DAB1: variants seen among roughly 807,000 people sequenced by gnomAD.
The protein encoded by DAB1 is DAB adaptor protein 1, also known as disabled homolog 1.
Under a neutral mutation model 64.6 loss-of-function variants are expected in DAB1, and 15 were observed. The observed-to-expected ratio is 0.23, with a 90% CI of 0.16 to 0.36. The LOEUF (loss-of-function observed/expected upper bound fraction) is 0.36, where lower values mean the gene tolerates loss of function less well. Ranked by LOEUF, DAB1 falls within the 10% of genes least tolerant of loss-of-function variation. The pLI is 1.00. For missense variants in DAB1, 596 were observed against 706.7 expected (o/e 0.84, Z 1.78); for synonymous variants, 235 against 251.9 (o/e 0.93, Z 0.64).
intron 2 of DAB1, among the ~76,000 whole-genome samples, chr1:57,189,115 C>G (rs1206642331): frequency 6.6e-6 from 1 of 152,098 alleles, no homozygotes; most frequent in Non-Finnish European, 1.5e-5. Context: ...ATCAAAATAA[C>G]CTCCTTCTCT....
intron 1 of DAB1, among the ~76,000 whole-genome samples, chr1:57,850,647 C>T (rs1414280892): frequency 6.6e-6 from 1 of 152,188 alleles, no homozygotes; most frequent in African/African-American, 2.4e-5. Flanking sequence ...GCCCCAAGGC[C>T]TGGCCTGCAA....
At chr1:57,834,199 C>T (rs551144919) in intron 1 of DAB1, among the ~76,000 whole-genome samples, 21 of 151,836 alleles carry the variant, frequency 1.4e-4, no homozygotes, top group African/African-American at 4.8e-4. Flanking sequence ...CAGTTTTGTC[C>T]GCAACACCAC....
At position 57,689,615 on chromosome 1, in the gene DAB1, A is replaced by AT. The variant is rs1031075684; in HGVS notation, n.552-39951dup. Among the ~76,000 whole-genome samples, 7 of 152,086 alleles carry AT rather than the reference A, an allele frequency of 4.6e-5. No homozygotes were observed. In the South Asian group the frequency reaches 1.5e-3, roughly 32 times the overall value. ...AAGAACAAGTCAAATGCTATGATTA[A>AT]TTTTTTTTAAAGTTTTATGGGTAAA... On this transcript the variant is annotated intron_variant and non_coding_transcript_variant, in intron 6 of 20. Transcript: ENST00000485760.
chr1:58,299,346 T>C, intron 4 of DAB1, among the ~76,000 whole-genome samples: 1 of 152,186 alleles, frequency 6.6e-6, no homozygotes, highest in Non-Finnish European at 1.5e-5. Context: ...TTTACTTCAG[T>C]GGTATCTAAG....
intron 7 of DAB1, among the ~76,000 whole-genome samples, chr1:57,464,423 A>G (rs1310630231): frequency 2.0e-5 from 3 of 152,098 alleles, no homozygotes; most frequent in South Asian, 2.1e-4. Context: ...TTGATTTCCT[A>G]CTACACTACC....
chr1:57,958,902 T>G (rs1327826129), intron 5 of DAB1, among the ~76,000 whole-genome samples: 2 of 152,264 alleles, frequency 1.3e-5, no homozygotes, highest in African/African-American at 4.8e-5. Flanking sequence ...CATTTTAATT[T>G]GCTTACCTCT....
chr1:58,538,858 G>A (rs139772831), intron 1 of DAB1: 16 of 871,534 alleles, frequency 1.8e-5, no homozygotes, highest in South Asian at 6.6e-5. Context: ...GAGAGGAACC[G>A]GAGCAGCTTG....
intron 7 of DAB1, among the ~76,000 whole-genome samples, chr1:57,554,987 A>G (rs1468442932): frequency 1.3e-5 from 2 of 151,790 alleles, no homozygotes; most frequent in Admixed American, 1.3e-4. Flanking sequence ...TATTTACATA[A>G]AACATTCATG....
chr1:57,056,504 CAAA>C (rs71051216), intron 9 of DAB1, among the ~76,000 whole-genome samples: 10 of 86,994 alleles, frequency 1.1e-4, no homozygotes, highest in Admixed American at 4.3e-4. Flanking sequence ...GAGCCTGTCT[CAAA>C]AAAAAAAAAA....
At chr1:58,536,427 A>C (rs1308770151) in intron 1 of DAB1, 8 of 684,916 alleles carry the variant, frequency 1.2e-5, no homozygotes, top group Non-Finnish European at 1.8e-5. Context: ...AAAATTAAAA[A>C]ACAACATATC....
At chr1:57,667,809 A>G (rs542451249) in intron 6 of DAB1, among the ~76,000 whole-genome samples, 6 of 152,126 alleles carry the variant, frequency 3.9e-5, no homozygotes, top group Non-Finnish European at 7.3e-5. Flanking sequence ...CCTCACTCAT[A>G]AGTGAGAATT....
chr1:57,186,209 T>C (rs1405932841), intron 2 of DAB1, among the ~76,000 whole-genome samples: 2 of 152,164 alleles, frequency 1.3e-5, no homozygotes, highest in African/African-American at 2.4e-5. Flanking sequence ...TACATTAGAA[T>C]GTAAATTCTC....
intron 3 of DAB1, among the ~76,000 whole-genome samples, chr1:58,391,342 ACTGACCAGGC>A (rs1301350923): frequency 2.6e-5 from 4 of 152,194 alleles, no homozygotes; most frequent in African/African-American, 9.6e-5. Context: ...AGTACCATGC[ACTGACCAGGC>A]CTATTTGGAA....
intron 1 of DAB1, among the ~76,000 whole-genome samples, chr1:57,831,147 C>T (rs1390449399): frequency 6.6e-6 from 1 of 152,036 alleles, no homozygotes; most frequent in Non-Finnish European, 1.5e-5. Context: ...TCTCCTGACC[C>T]CGTGGTCCGC....
At chr1:57,859,952 A>G (rs888452010) in intron 1 of DAB1, among the ~76,000 whole-genome samples, 4 of 152,214 alleles carry the variant, frequency 2.6e-5, no homozygotes, top group African/African-American at 9.6e-5. Context: ...GACTTAGGTC[A>G]CTTCTTGCAT....
intron 4 of DAB1, among the ~76,000 whole-genome samples, chr1:58,318,840 T>C (rs1199694291): frequency 1.3e-5 from 2 of 152,190 alleles, no homozygotes; most frequent in Non-Finnish European, 2.9e-5. Flanking sequence ...GCATTGTAAA[T>C]CTTTGTCCCC....
At chr1:57,000,851 A>T (rs1645833579) in intron 14 of DAB1, among the ~76,000 whole-genome samples, 2 of 152,200 alleles carry the variant, frequency 1.3e-5, no homozygotes, top group African/African-American at 4.8e-5. Flanking sequence ...ACTGAAAATG[A>T]CACCTAAAAA....
At chr1:57,248,263 TAA>T (rs879622378) in intron 2 of DAB1, among the ~76,000 whole-genome samples, 58 of 146,058 alleles carry the variant, frequency 4.0e-4, no homozygotes, top group Admixed American at 7.6e-4. Flanking sequence ...TTGTTTTTTT[TAA>T]AAAAATACTT....
At chr1:58,076,664 C>T (rs1649668002) in intron 5 of DAB1, among the ~76,000 whole-genome samples, 1 of 152,244 alleles carries the variant, frequency 6.6e-6, no homozygotes, top group South Asian at 2.1e-4. Context: ...CATTCTAAAT[C>T]TAGCAGTCTT....
Sources: gnomAD v4.1 joint callset for allele counts (sites outside exome capture counted in the v4.1 genomes callset) on GRCh38, gnomAD v4.1.1 for gene constraint, MANE v1.5 for transcripts, NCBI Gene and HGNC (gene_info 2026-07-23, HGNC 2026-07-21) for gene names.